The following NEK6 variants were observed in gnomAD, a reference collection of about 807,000 sequenced individuals.
NEK6 encodes the protein NIMA related kinase 6.
NEK6 carries 27 observed loss-of-function variants against 43.5 expected under a neutral mutation model. The ratio of observed to expected loss-of-function variants is 0.62; its 90% CI spans 0.46 to 0.86. The LOEUF is 0.86. Among genes scored for constraint, NEK6 ranks in the 40% least tolerant of loss-of-function variants. NEK6 has a pLI of 0.00. For synonymous variants in NEK6, 167 were observed against 164.1 expected (o/e 1.02, Z -0.14); for missense variants, 318 against 414.4 (o/e 0.77, Z 2.02).
intron 1 of NEK6, among the ~76,000 whole-genome samples, chr9:124,290,611 G>A (rs1832374925): frequency 6.6e-6 from 1 of 152,258 alleles, no homozygotes. Flanking sequence ...GCAGGTGCTG[G>A]CCACGGAGAG....
At chr9:124,277,647 G>A (rs1463900839) in intron 1 of NEK6, among the ~76,000 whole-genome samples, 2 of 152,240 alleles carry the variant, frequency 1.3e-5, no homozygotes, top group African/African-American at 4.8e-5. Flanking sequence ...ACTGCCTGGG[G>A]AGAGGAAGGA....
intron 1 of NEK6, among the ~76,000 whole-genome samples, chr9:124,278,320 C>T (rs952883056): frequency 6.6e-6 from 1 of 152,132 alleles, no homozygotes; most frequent in African/African-American, 2.4e-5. Flanking sequence ...TGTCGCTAAG[C>T]GATGTGTGAC....
At chr9:124,350,464 T>C (rs1338520082) in intron 9 of NEK6, among the ~76,000 whole-genome samples, 3 of 151,492 alleles carry the variant, frequency 2.0e-5, no homozygotes, top group Non-Finnish European at 2.9e-5. Flanking sequence ...GCCTTGAGTT[T>C]TGTCCTCTGG....
intron 1 of NEK6, among the ~76,000 whole-genome samples, chr9:124,280,293 GGC>G (rs1831838993): frequency 1.3e-5 from 2 of 152,210 alleles, no homozygotes; most frequent in African/African-American, 4.8e-5. Flanking sequence ...TGAGAACTGG[GGC>G]CCACCCTGCC....
chr9:124,348,619 A>G (rs1328608084), intron 9 of NEK6, among the ~76,000 whole-genome samples: 2 of 151,976 alleles, frequency 1.3e-5, no homozygotes, highest in African/African-American at 2.4e-5. Context: ...CAGGATCAGC[A>G]TAAGGATTAA....
chr9:124,261,468 G>A (rs1831027070), intron 1 of NEK6: 3 of 985,394 alleles, frequency 3.0e-6, no homozygotes, highest in Non-Finnish European at 3.6e-6. Flanking sequence ...CCAGGCTTGT[G>A]TGGAGATGAG....
At chr9:124,288,229 TTA>T (rs1051920343) in intron 1 of NEK6, among the ~76,000 whole-genome samples, 4 of 152,370 alleles carry the variant, frequency 2.6e-5, no homozygotes, top group Non-Finnish European at 5.9e-5. Flanking sequence ...GGCTGGTTGT[TTA>T]TGATAACAGG....
At chr9:124,346,499 G>T (rs1456990494) in intron 8 of NEK6, among the ~76,000 whole-genome samples, 1 of 152,192 alleles carries the variant, frequency 6.6e-6, no homozygotes, top group Admixed American at 6.5e-5. Flanking sequence ...GCCAGAGCAG[G>T]GTGGCCCCTC....
intron 7 of NEK6, among the ~76,000 whole-genome samples, chr9:124,335,684 G>A (rs1254309605): frequency 6.6e-6 from 1 of 152,256 alleles, no homozygotes; most frequent in Non-Finnish European, 1.5e-5. Context: ...GAGCCGTCCT[G>A]CGCAGGGTAC....
intron 1 of NEK6, among the ~76,000 whole-genome samples, chr9:124,296,795 A>G (rs1832710971): frequency 6.6e-6 from 1 of 152,182 alleles, no homozygotes; most frequent in African/African-American, 2.4e-5. Flanking sequence ...GAAGTGTGGC[A>G]TTTGACAGGA....
chr9:124,272,939 A>C (rs1204492448), intron 1 of NEK6, among the ~76,000 whole-genome samples: 2 of 152,236 alleles, frequency 1.3e-5, no homozygotes, highest in East Asian at 3.9e-4. Context: ...TGTTTTTTTA[A>C]TTCTTGGCAG....
intron 9 of NEK6, among the ~76,000 whole-genome samples, chr9:124,348,938 G>A (rs1018829798): frequency 3.3e-5 from 5 of 152,262 alleles, no homozygotes; most frequent in African/African-American, 1.2e-4. Context: ...GCGCAGCCAC[G>A]GAGCCATCGT....
intron 2 of NEK6, among the ~76,000 whole-genome samples, chr9:124,302,893 G>A (rs538685782): frequency 2.6e-5 from 4 of 152,370 alleles, no homozygotes; most frequent in Admixed American, 6.5e-5. Context: ...ATCCCACACC[G>A]GGCACAGAGG....
chr9:124,271,358 G>A lies in NEK6; in HGVS notation c.-30+13273G>A, dbSNP rs974004732. On this transcript the variant is annotated intron_variant, in intron 1 of 9. Coordinates refer to ENST00000320246, the MANE Select transcript of NEK6 (RefSeq NM_014397.6). ...GAGCTTGGATTCCACCAGCTGTCAC[G>A]CTGTTCCCAGCCCCAAAATGGGGAG... 8.5e-5 allele frequency among the ~76,000 whole-genome samples: 13 copies of A among 152,318 alleles called. No individual in the cohort carries two copies. The South Asian group carries it at 1.7e-3, about 19-fold the overall frequency.
chr9:124,326,276 AC>A lies in NEK6; in HGVS notation c.406-52del. 1 of 1,182,266 alleles carries A rather than the reference AC, an allele frequency of 8.5e-7. No homozygotes were observed. The highest frequency in any genetic ancestry group is 1.2e-6 in the Non-Finnish European group (1 of 855,520). 73.2% of individuals were successfully genotyped at this position (1,182,266 alleles called of 1,614,324 possible). A position where few individuals can be genotyped will look rare whatever the true frequency, so the allele number is the denominator to read the frequency against. ...CAGAGGCAGTGCCCTGTGGCCACCC[AC>A]CTCCAAGCCCGCTCACCCGGGCCTA... On this transcript the variant is annotated intron_variant, in intron 5 of 9. Transcript: ENST00000320246. This position sits in a 1 kb window ranked among gnomAD's most constrained non-coding sequence, Gnocchi z 4.5.
At chr9:124,274,632 C>A (rs957435793) in intron 1 of NEK6, among the ~76,000 whole-genome samples, 1 of 152,176 alleles carries the variant, frequency 6.6e-6, no homozygotes, top group Non-Finnish European at 1.5e-5. Flanking sequence ...TCCCAATTCC[C>A]CAAGAAAGTG....
At chr9:124,277,689 C>T (rs1046722588) in intron 1 of NEK6, among the ~76,000 whole-genome samples, 1 of 152,228 alleles carries the variant, frequency 6.6e-6, no homozygotes, top group Non-Finnish European at 1.5e-5. Flanking sequence ...CCTATTTCTG[C>T]GTGTCGTTTA....
intron 1 of NEK6, among the ~76,000 whole-genome samples, chr9:124,300,505 C>T (rs754772583): frequency 3.9e-5 from 6 of 152,076 alleles, no homozygotes; most frequent in Admixed American, 6.5e-5. Context: ...CAGCAGGAGG[C>T]GGGGTCTGTC....
chr9:124,341,898 G>A (rs896403583), intron 8 of NEK6, among the ~76,000 whole-genome samples: 15 of 152,320 alleles, frequency 9.8e-5, no homozygotes, highest in East Asian at 5.8e-4. Context: ...ACAGCCCCGG[G>A]GAGGGTGCGT....
Sources: gnomAD v4.1 joint callset for allele counts (sites outside exome capture counted in the v4.1 genomes callset) on GRCh38, gnomAD v4.1.1 for gene constraint, Gnocchi (gnomAD v3.1) non-coding constraint, MANE v1.5 for transcripts, NCBI Gene and HGNC (gene_info 2026-07-23, HGNC 2026-07-21) for gene names.